ATOSA: variants seen among roughly 807,000 people sequenced by gnomAD.
The protein encoded by ATOSA is atos homolog protein A.
chr15:52,581,863 T>C, the ATOSA span: 1 of 252,946 alleles, frequency 4.0e-6, no homozygotes, highest in East Asian at 7.7e-5. Flanking sequence ...AAGGAAAACA[T>C]TAAATATTAA....
At chr15:52,651,761 C>T in the ATOSA span, 2,315 of 1,061,792 alleles carry the variant, frequency 2.2e-3, 32 homozygotes, top group African/African-American at 0.034. Flanking sequence ...TTTTCCTAGA[C>T]CTATTTATTA....
At chr15:52,613,829 A>G in the ATOSA span, 1 of 1,613,866 alleles carries the variant, frequency 6.2e-7, no homozygotes, top group Non-Finnish European at 8.5e-7. Flanking sequence ...ACTCCTCTGC[A>G]TCATATTCAA....
At chr15:52,697,066 G>A in the ATOSA span, among the ~76,000 whole-genome samples, 99,197 of 151,974 alleles carry the variant, frequency 0.65, 32,739 homozygotes, top group Middle Eastern at 0.7. Flanking sequence ...TAACAATGCT[G>A]ACAAGGTTCT....
the ATOSA span, chr15:52,609,021 T>C: frequency 1.2e-5 from 19 of 1,613,400 alleles, no homozygotes; most frequent in East Asian, 4.0e-4. Flanking sequence ...TGCTCATTTC[T>C]TGCTCCTTGA....
the ATOSA span, among the ~76,000 whole-genome samples, chr15:52,607,495 G>C: frequency 3.9e-5 from 6 of 152,184 alleles, no homozygotes; most frequent in Non-Finnish European, 8.8e-5. Context: ...TGAGGTAGTA[G>C]AAAGGAGCCT....
the ATOSA span, chr15:52,649,708 A>T: frequency 6.6e-6 from 1 of 152,216 alleles, no homozygotes; most frequent in Non-Finnish European, 1.5e-5. Context: ...ATATTGTCAA[A>T]TAATAGACAA....
the ATOSA span, among the ~76,000 whole-genome samples, chr15:52,689,389 C>T: frequency 6.6e-6 from 1 of 152,132 alleles, no homozygotes; most frequent in Non-Finnish European, 1.5e-5. Flanking sequence ...GGCAACATGA[C>T]TGGGTATTGA....
the ATOSA span, among the ~76,000 whole-genome samples, chr15:52,599,473 A>T: frequency 6.6e-6 from 1 of 152,200 alleles, no homozygotes; most frequent in Non-Finnish European, 1.5e-5. Flanking sequence ...CTGTAAAACT[A>T]TTTATCTTAA....
the ATOSA span, among the ~76,000 whole-genome samples, chr15:52,630,590 A>C: frequency 8.5e-5 from 13 of 152,342 alleles, no homozygotes; most frequent in Non-Finnish European, 1.3e-4. Flanking sequence ...ACTGCTAGTA[A>C]AGGTACACAC....
chr15:52,673,820 T>A, the ATOSA span, among the ~76,000 whole-genome samples: 3 of 152,338 alleles, frequency 2.0e-5, no homozygotes, highest in African/African-American at 7.2e-5. Context: ...CAGGAGTGAA[T>A]TGTTTGAGGT....
the ATOSA span, among the ~76,000 whole-genome samples, chr15:52,662,566 C>G: frequency 1.6e-4 from 24 of 151,986 alleles, no homozygotes; most frequent in East Asian, 2.7e-3. Context: ...GTCAGGAGAT[C>G]GAGACCATCC....
At chr15:52,708,271 A>C in the ATOSA span, among the ~76,000 whole-genome samples, 2 of 152,126 alleles carry the variant, frequency 1.3e-5, no homozygotes, top group Non-Finnish European at 2.9e-5. Flanking sequence ...GCAGAAGAGG[A>C]GAGGGACTTT....
At chr15:52,605,322 T>C in the ATOSA span, 1 of 1,054,676 alleles carries the variant, frequency 9.5e-7, no homozygotes, top group Non-Finnish European at 1.4e-6. Context: ...TTTTTGTTTT[T>C]AGACTCATTC....
the ATOSA span, among the ~76,000 whole-genome samples, chr15:52,598,306 T>C: frequency 6.6e-6 from 1 of 152,248 alleles, no homozygotes; most frequent in Non-Finnish European, 1.5e-5. Flanking sequence ...GGCCGCAGGC[T>C]GGACAAGCTT....
chr15:52,602,065 C>A, the ATOSA span, among the ~76,000 whole-genome samples: 1 of 152,172 alleles, frequency 6.6e-6, no homozygotes, highest in Non-Finnish European at 1.5e-5. Context: ...ACCAGACTTA[C>A]ATTGAACATC....
the ATOSA span, among the ~76,000 whole-genome samples, chr15:52,646,999 T>G: frequency 6.6e-6 from 1 of 152,258 alleles, no homozygotes; most frequent in Non-Finnish European, 1.5e-5. Context: ...TATACACCAA[T>G]GCAATGTAGT....
At chr15:52,648,584 C>G in the ATOSA span, 3 of 151,884 alleles carry the variant, frequency 2.0e-5, no homozygotes, top group Admixed American at 1.3e-4. Context: ...TATGTTTGTA[C>G]CCACCACCCA....
At chr15:52,644,377 A>T in the ATOSA span, among the ~76,000 whole-genome samples, 1 of 152,152 alleles carries the variant, frequency 6.6e-6, no homozygotes, top group Non-Finnish European at 1.5e-5. Flanking sequence ...ATCTCATCTG[A>T]TCCTATTACC....
chr15:52,676,252 T>A, the ATOSA span, among the ~76,000 whole-genome samples: 68 of 148,494 alleles, frequency 4.6e-4, no homozygotes, highest in African/African-American at 1.6e-3. Flanking sequence ...CAATGTAGTT[T>A]AAAAAAAAAA....
Sources: gnomAD v4.1 joint callset for allele counts (sites outside exome capture counted in the v4.1 genomes callset) on GRCh38, gnomAD v4.1.1 for gene constraint, MANE v1.5 for transcripts, NCBI Gene and HGNC (gene_info 2026-07-23, HGNC 2026-07-21) for gene names.